The following PHACTR1 variants were observed in gnomAD, a reference collection of about 807,000 sequenced individuals.
The protein encoded by PHACTR1 is phosphatase and actin regulator 1.
In PHACTR1, 16 loss-of-function variants were observed where a neutral mutation model predicts 69.2. The observed-to-expected ratio is 0.23, with a 90% CI of 0.16 to 0.35. PHACTR1 has a LOEUF of 0.35. Among genes scored for constraint, PHACTR1 ranks in the 10% least tolerant of loss-of-function variants. The probability of loss-of-function intolerance (pLI) is 1.00; values close to 1 mark genes in which losing one functional copy is unlikely to be tolerated. For missense variants in PHACTR1, 510 were observed against 734.7 expected (o/e 0.69, Z 3.54); for synonymous variants, 312 against 284.5 (o/e 1.10, Z -0.97).
At chr6:12,872,880 T>C (rs1364700265) in intron 4 of PHACTR1, among the ~76,000 whole-genome samples, 1 of 152,166 alleles carries the variant, frequency 6.6e-6, no homozygotes, top group Non-Finnish European at 1.5e-5. Flanking sequence ...TAAATATATT[T>C]TTTAGTTCCT....
chr6:13,208,884 G>T (rs901481551), intron 8 of PHACTR1, among the ~76,000 whole-genome samples: 1 of 151,206 alleles, frequency 6.6e-6, no homozygotes. Flanking sequence ...GGGAATTTTG[G>T]TGGGGGCAGG....
At chr6:12,769,703 C>T (rs573765951) in intron 4 of PHACTR1, among the ~76,000 whole-genome samples, 5 of 152,252 alleles carry the variant, frequency 3.3e-5, no homozygotes, top group Admixed American at 6.5e-5. Context: ...TAAGCTTTAG[C>T]GACTCAGCAC....
At chr6:13,041,749 T>C (rs535882038) in intron 4 of PHACTR1, among the ~76,000 whole-genome samples, 16 of 151,774 alleles carry the variant, frequency 1.1e-4, no homozygotes, top group Non-Finnish European at 2.2e-4. Context: ...GAGGGAAAGA[T>C]TTTGCAAAGG....
intron 4 of PHACTR1, among the ~76,000 whole-genome samples, chr6:12,828,186 A>G (rs908221719): frequency 3.3e-5 from 5 of 152,208 alleles, no homozygotes; most frequent in Non-Finnish European, 7.4e-5. Context: ...AAAAGGATTT[A>G]TTTATAGATC....
chr6:12,793,344 A>T (rs1030761418), intron 4 of PHACTR1, among the ~76,000 whole-genome samples: 1 of 152,144 alleles, frequency 6.6e-6, no homozygotes, highest in Admixed American at 6.5e-5. Flanking sequence ...TTTTTTCCCA[A>T]TTGGCATTTT....
At chr6:13,089,668 A>G (rs921268155) in intron 5 of PHACTR1, among the ~76,000 whole-genome samples, 2 of 152,216 alleles carry the variant, frequency 1.3e-5, no homozygotes, top group African/African-American at 2.4e-5. Flanking sequence ...GACAATTAAT[A>G]GAAAACCAGA....
chr6:12,978,725 T>G (rs1795176512), intron 4 of PHACTR1, among the ~76,000 whole-genome samples: 1 of 152,208 alleles, frequency 6.6e-6, no homozygotes, highest in Non-Finnish European at 1.5e-5. Flanking sequence ...TGATGACACG[T>G]GTTTGTTGCA....
At chr6:12,933,496 C>A in intron 4 of PHACTR1, 1 of 1,417,188 alleles carries the variant, frequency 7.1e-7, no homozygotes, top group Non-Finnish European at 9.4e-7. Flanking sequence ...AAGATGGACA[C>A]AAAGGCAGCA....
intron 4 of PHACTR1, among the ~76,000 whole-genome samples, chr6:12,948,583 C>G (rs1790926349): frequency 6.6e-6 from 1 of 152,182 alleles, no homozygotes; most frequent in Non-Finnish European, 1.5e-5. Flanking sequence ...TATCCCCCTT[C>G]AAGACTTGTG....
At chr6:12,918,571 G>A (rs11967654) in intron 4 of PHACTR1, among the ~76,000 whole-genome samples, 1,951 of 152,286 alleles carry the variant, frequency 0.013, 47 homozygotes, top group African/African-American at 0.044. Flanking sequence ...TCATTAGCAT[G>A]TAGAGGTTGT....
intron 6 of PHACTR1, among the ~76,000 whole-genome samples, chr6:13,161,336 C>A (rs1758975965): frequency 2.6e-5 from 4 of 152,110 alleles, no homozygotes; most frequent in Non-Finnish European, 5.9e-5. Flanking sequence ...CCTCCTTCCT[C>A]TTCTTCCTCC....
At chr6:12,835,304 G>A (rs1247240808) in intron 4 of PHACTR1, among the ~76,000 whole-genome samples, 2 of 152,076 alleles carry the variant, frequency 1.3e-5, no homozygotes, top group Non-Finnish European at 2.9e-5. Context: ...GGACACCTGT[G>A]TCAGAGTGTG....
In PHACTR1 at chr6:13,092,538, G is replaced by A. The variant is rs149533485; in HGVS notation, c.415+39009G>A. On this transcript the variant is annotated intron_variant, in intron 5 of 14. Transcript: ENST00000332995. Reference sequence around the variant, plus strand: ...TGGGGACAGCAGGTGGCTTTAGGATGATTTAAGCACATTACATTTTTCGTA... The same window carrying A: ...TGGGGACAGCAGGTGGCTTTAGGATAATTTAAGCACATTACATTTTTCGTA... Among the ~76,000 whole-genome samples the A allele has an allele frequency of 3.5e-3, 527 of 152,218 alleles. 3 individuals are homozygous for A. The highest frequency in any genetic ancestry group is 0.012 in the African/African-American group (506 of 41,524).
In PHACTR1 at chr6:12,851,382, G is replaced by A. The variant is rs112520998; in HGVS notation, c.250+101592G>A. ...GCAGTGCTGTTGAGAATAGCAGTGG[G>A]TTTTGATGGCGTTAGAAAATGTTAC... On this transcript the variant is annotated intron_variant, in intron 4 of 14. Transcript: ENST00000332995. 9.1e-3 allele frequency among the ~76,000 whole-genome samples: 1,393 copies of A among 152,312 alleles called. 7 individuals are homozygous for A. Among genetic ancestry groups the A allele is most frequent in the Non-Finnish European group, 0.014 (967 of 68,024 alleles).
chr6:12,926,735 T>C (rs1293006596), intron 4 of PHACTR1, among the ~76,000 whole-genome samples: 1 of 152,260 alleles, frequency 6.6e-6, no homozygotes, highest in Non-Finnish European at 1.5e-5. Flanking sequence ...TGACTTTCTC[T>C]TCTGATTCTC....
intron 5 of PHACTR1, among the ~76,000 whole-genome samples, chr6:13,106,190 A>G (rs1450518991): frequency 6.6e-6 from 1 of 152,182 alleles, no homozygotes; most frequent in Admixed American, 6.5e-5. Context: ...TCTCATTGAC[A>G]TTGTTTTTAG....
In PHACTR1 at chr6:12,835,990, C is replaced by G. The variant is rs80157689; in HGVS notation, c.250+86200C>G. On this transcript the variant is annotated intron_variant, in intron 4 of 14. Transcript: ENST00000332995. ...AAAAATAAAAAAAAATTTAAATCCTCAGTGTGCCCACATTGTTTCCTTATA... is the reference window on the plus strand; with the variant it reads ...AAAAATAAAAAAAAATTTAAATCCTGAGTGTGCCCACATTGTTTCCTTATA... Among the ~76,000 whole-genome samples, 612 of 152,250 alleles carry G rather than the reference C, an allele frequency of 4.0e-3. 3 individuals carry two copies. Among genetic ancestry groups the G allele is most frequent in the Non-Finnish European group, 7.0e-3 (476 of 68,008 alleles).
chr6:12,899,661 G>A lies in PHACTR1; in HGVS notation c.250+149871G>A, dbSNP rs74380093. On this transcript the variant is annotated intron_variant, in intron 4 of 14. Coordinates refer to ENST00000332995, the MANE Select transcript of PHACTR1 (RefSeq NM_030948.6). ...TGGGTTGACTGAGAATAGCTTAAGC[G>A]TTGAAAAGACTCCCAAAGGACATCT... Among the ~76,000 whole-genome samples, 1,244 of 152,306 alleles carry A rather than the reference G, an allele frequency of 8.2e-3. 19 individuals are homozygous for A. The highest frequency in any genetic ancestry group is 0.027 in the African/African-American group (1,124 of 41,550).
intron 4 of PHACTR1, among the ~76,000 whole-genome samples, chr6:12,997,730 G>T (rs1326676094): frequency 6.6e-6 from 1 of 152,174 alleles, no homozygotes; most frequent in South Asian, 2.1e-4. Flanking sequence ...CGAGGTGGGC[G>T]GATCACAAGG....
Sources: gnomAD v4.1 joint callset for allele counts (sites outside exome capture counted in the v4.1 genomes callset) on GRCh38, gnomAD v4.1.1 for gene constraint, MANE v1.5 for transcripts, NCBI Gene and HGNC (gene_info 2026-07-23, HGNC 2026-07-21) for gene names.